Variants in CYTH4 observed in about 807,000 individuals in gnomAD.
CYTH4 encodes the protein cytohesin-4.
A neutral mutation model predicts 57.5 loss-of-function variants in CYTH4; 22 were observed. The ratio of observed to expected loss-of-function variants is 0.38; its 90% CI spans 0.27 to 0.55. The LOEUF (loss-of-function observed/expected upper bound fraction) is 0.55. Ranked by LOEUF, CYTH4 falls within the 20% of genes least tolerant of loss-of-function variation. The pLI, the probability that CYTH4 is intolerant of heterozygous loss-of-function variation, is 0.74. For missense variants in CYTH4, 420 were observed against 535.6 expected, an observed-to-expected ratio of 0.78 and a Z score of 2.13; for synonymous variants, 186 against 206.5, an observed-to-expected ratio of 0.90 and a Z score of 0.85.
chr22:37,300,860 G>A (rs566213311), intron 6 of CYTH4, 47 bp from the exon 7 acceptor site: 135 of 1,531,166 alleles, frequency 8.8e-5, no homozygotes, highest in African/African-American at 1.4e-4. Context: ...TCTGGGGCCC[G>A]CGAGGGCCCA....
chr22:37,312,244 G>T, intron 12 of CYTH4, 70 bp downstream of exon 12: 1 of 1,581,804 alleles, frequency 6.3e-7, no homozygotes, highest in Non-Finnish European at 8.6e-7. Context: ...TTTGGGTCTT[G>T]CTTCCTTATC....
chr22:37,284,419 G>A (rs1928475691), intron 1 of CYTH4, among the ~76,000 whole-genome samples: 1 of 152,200 alleles, frequency 6.6e-6, no homozygotes, highest in Non-Finnish European at 1.5e-5. Flanking sequence ...ACAGATGGGA[G>A]GAAGCAACTT....
chr22:37,283,152 TG>T (rs34200325), intron 1 of CYTH4, among the ~76,000 whole-genome samples: 1 of 150,896 alleles, frequency 6.6e-6, no homozygotes, highest in South Asian at 2.1e-4. Flanking sequence ...CCCCGGGGGT[TG>T]GGGTGGTCTT....
chr22:37,284,676 G>T (rs1928484790), intron 1 of CYTH4, among the ~76,000 whole-genome samples: 1 of 152,130 alleles, frequency 6.6e-6, no homozygotes, highest in Admixed American at 6.5e-5. Context: ...GCACCACCCT[G>T]CCAGTGGTCA....
intron 7 of CYTH4, 102 bp from the exon 8 acceptor site, chr22:37,303,152 C>A: frequency 1.4e-6 from 2 of 1,467,266 alleles, no homozygotes; most frequent in Non-Finnish European, 1.8e-6. Flanking sequence ...ACAAGGTGGA[C>A]CTTCGGGGCC....
intron 4 of CYTH4, 56 bp from the exon 5 acceptor site, chr22:37,297,508 C>T (rs1273291923): frequency 5.3e-6 from 8 of 1,508,696 alleles, no homozygotes; most frequent in Non-Finnish European, 7.3e-6. Flanking sequence ...TCCCTTCCCC[C>T]TCCCAGGCCT....
intron 9 of CYTH4, 143 bp from the exon 10 acceptor site, chr22:37,310,845 G>A: frequency 2.7e-6 from 2 of 746,524 alleles, no homozygotes; most frequent in Non-Finnish European, 4.5e-6. Context: ...AGGGATAGAT[G>A]TTGGGGGGAG....
chr22:37,308,613 T>TGCATAA (rs1929502413), intron 8 of CYTH4, among the ~76,000 whole-genome samples: 1 of 139,826 alleles, frequency 7.2e-6, no homozygotes, highest in Non-Finnish European at 1.7e-5. Flanking sequence ...CATGTATGTG[T>TGCATAA]GCATAAGCAT....
chr22:37,299,318 T>C lies in CYTH4; in HGVS notation c.434+12T>C. 1 of 1,612,642 alleles carries C rather than the reference T, an allele frequency of 6.2e-7. No individual in the cohort carries two copies. The highest frequency in any genetic ancestry group is 8.5e-7 in the Non-Finnish European group (1 of 1,178,976). ...GTCCAGGCCCTCAGGTGAGTAGTCC[T>C]GGGGCAGGGTCCCGGCCCTCAAGGG... On this transcript the variant is annotated intron_variant, in intron 6 of 12. Transcript: ENST00000248901.
rs1388711021 is a variant in CYTH4 at position 37,314,518 on chromosome 22, C to G, written c.*1007C>G. ...GCCAGAAAGTAACACAGAGCTCATG[C>G]TTGGAGAGAGAGAGTCTTGGCCATG... On this transcript the variant is annotated 3_prime_UTR_variant, in exon 13 of 13. Coordinates refer to ENST00000248901, the MANE Select transcript of CYTH4 (RefSeq NM_013385.5). 6 of 398,256 alleles carry G rather than the reference C, an allele frequency of 1.5e-5. No homozygotes were observed. The highest frequency in any genetic ancestry group is 2.2e-5 in the Non-Finnish European group (5 of 225,994). 24.7% of individuals were successfully genotyped at this position (398,256 alleles called of 1,614,324 possible). A position where few individuals can be genotyped will look rare whatever the true frequency, so the allele number is the denominator to read the frequency against.
chr22:37,285,081 T>C (rs776953795), intron 1 of CYTH4, among the ~76,000 whole-genome samples: 2 of 152,190 alleles, frequency 1.3e-5, no homozygotes, highest in African/African-American at 4.8e-5. Flanking sequence ...GCCTCTTTAT[T>C]TAGGGCCCTG....
intron 7 of CYTH4, 120 bp from the exon 8 acceptor site, chr22:37,303,134 C>A: frequency 6.9e-7 from 1 of 1,444,114 alleles, no homozygotes; most frequent in South Asian, 1.3e-5. Context: ...AAAGCCCAAG[C>A]CAGGAGGACA....
At chr22:37,299,896 CAGG>C (rs1466163687) in intron 6 of CYTH4, among the ~76,000 whole-genome samples, 2 of 152,158 alleles carry the variant, frequency 1.3e-5, no homozygotes, top group Admixed American at 1.3e-4. Flanking sequence ...GAGGCTGAGG[CAGG>C]AGAATCACCT....
Position 37,309,296 on chromosome 22 carries a change from G to T in CYTH4, c.781G>T (p.Asp261Tyr), listed in dbSNP as rs55891452. Residue 261 changes from aspartate to tyrosine, a missense_variant, in exon 9 of 13, where the codon GAC (aspartate) becomes TAC (tyrosine). By Grantham distance (160) the Asp-to-Tyr change is radical. Coordinates refer to ENST00000248901, the MANE Select transcript of CYTH4 (RefSeq NM_013385.5). The stretch of plus-strand genomic sequence containing the variant: ...CCTCACTCACACCTTCTTCAATCCA[G>T]ACCGGGAGGGTTGGCTGCTCAAGCT... ...NDLTHTFFNP[D>Y]REGWLLKLGG... is the part of the protein sequence containing the mutation. 10 of 1,614,088 alleles carry T rather than the reference G, an allele frequency of 6.2e-6. No individual in the cohort carries two copies. The highest frequency in any genetic ancestry group is 8.5e-6 in the Non-Finnish European group (10 of 1,179,960).
At position 37,295,765 on chromosome 22, in the gene CYTH4, C is replaced by A. The variant is rs545433023; in HGVS notation, c.168-234C>A. 2.6e-5 allele frequency among the ~76,000 whole-genome samples: 4 copies of A among 152,354 alleles called. No homozygotes were observed. Among genetic ancestry groups the A allele is most frequent in the Admixed American group, 2.0e-4 (3 of 15,302 alleles). On this transcript the variant is annotated intron_variant, in intron 3 of 12. Coordinates refer to ENST00000248901, the MANE Select transcript of CYTH4 (RefSeq NM_013385.5). This position sits in a 1 kb window ranked among gnomAD's most constrained non-coding sequence, Gnocchi z 4.1. ...CCCACACGGCAGCTCCGGGTTCCTG[C>A]AAGCTGCTAAATGCCCGTGCTGGGC... is the stretch of plus-strand genomic sequence containing the variant.
intron 8 of CYTH4, among the ~76,000 whole-genome samples, chr22:37,308,550 A>G (rs751221083): frequency 6.8e-6 from 1 of 146,228 alleles, no homozygotes; most frequent in Non-Finnish European, 1.5e-5. Context: ...GTATGTGTGT[A>G]AGTGTGCGTG....
At chr22:37,294,862 C>A in intron 3 of CYTH4, 138 bp downstream of exon 3, 1 of 1,035,384 alleles carries the variant, frequency 9.7e-7, no homozygotes. Flanking sequence ...AAGGAGGCAG[C>A]AACGAGACCG....
intron 6 of CYTH4, chr22:37,300,411 C>A (rs1406351837): frequency 1.7e-6 from 1 of 590,374 alleles, no homozygotes; most frequent in African/African-American, 1.9e-5. Context: ...GAGATACAGG[C>A]CCAGTTCTCA....
chr22:37,297,664 GTACC>G lies in CYTH4; in HGVS notation c.341_344del (p.Tyr114TrpfsTer46). 6.2e-7 allele frequency: 1 copy of G among 1,613,864 alleles called. No individual in the cohort carries two copies. The highest frequency in any genetic ancestry group is 8.5e-7 in the Non-Finnish European group (1 of 1,179,774). On this transcript the variant is annotated frameshift_variant, in exon 5 of 13. Coordinates refer to ENST00000248901, the MANE Select transcript of CYTH4 (RefSeq NM_013385.5). LOFTEE classifies it high-confidence loss of function. Reference sequence around the variant, plus strand: ...GAGGGCCTCAACAAGACAGCCATTGGTACCTACCTGGGGGAGAGGTAAGAACGAG... The same window carrying G: ...GAGGGCCTCAACAAGACAGCCATTGGTACCTGGGGGAGAGGTAAGAACGAG...
Sources: gnomAD v4.1 joint callset for allele counts (sites outside exome capture counted in the v4.1 genomes callset) on GRCh38, gnomAD v4.1.1 for gene constraint, Gnocchi (gnomAD v3.1) non-coding constraint, MANE v1.5 for transcripts, NCBI Gene and HGNC (gene_info 2026-07-23, HGNC 2026-07-21) for gene names.